Variants in ERBB4 observed in about 807,000 individuals in gnomAD.
ERBB4 encodes erb-b2 receptor tyrosine kinase 4.
ERBB4 carries 42 observed loss-of-function variants against 158.0 expected under a neutral mutation model. That is an observed-to-expected ratio of 0.27 (90% CI 0.21 to 0.34). The LOEUF (loss-of-function observed/expected upper bound fraction) is 0.34. ERBB4 is among the 10% of genes least tolerant of loss of function. The pLI is 1.00. For synonymous variants in ERBB4, 583 were observed against 558.7 expected, an observed-to-expected ratio of 1.04 and a Z score of -0.61; for missense variants, 1,333 against 1,624.1, an observed-to-expected ratio of 0.82 and a Z score of 3.08.
chr2:211,526,479 T>C (rs911143663), intron 20 of ERBB4, among the ~76,000 whole-genome samples: 1 of 152,100 alleles, frequency 6.6e-6, no homozygotes, highest in African/African-American at 2.4e-5. Flanking sequence ...CATGTCCTTG[T>C]GAATACCTGG....
chr2:212,015,098 ATATATATATATAT>A (rs2076494368), intron 2 of ERBB4, among the ~76,000 whole-genome samples: 1 of 74,290 alleles, frequency 1.3e-5, no homozygotes, highest in African/African-American at 6.0e-5. Context: ...ATATATATAT[ATATATATATATAT>A]AAAAATTAGC....
At chr2:212,108,835 T>C (rs984769872) in intron 2 of ERBB4, among the ~76,000 whole-genome samples, 1 of 151,936 alleles carries the variant, frequency 6.6e-6, no homozygotes, top group African/African-American at 2.4e-5. Flanking sequence ...TAAAGTTTTC[T>C]AAACAACTTT....
chr2:211,771,710 G>T (rs1359952311), intron 4 of ERBB4, among the ~76,000 whole-genome samples: 1 of 151,658 alleles, frequency 6.6e-6, no homozygotes, highest in Non-Finnish European at 1.5e-5. Context: ...TTCTTGCGAA[G>T]TGTGTGTGTA....
chr2:211,475,885 G>A (rs1004655880), intron 20 of ERBB4, among the ~76,000 whole-genome samples: 3 of 152,106 alleles, frequency 2.0e-5, no homozygotes, highest in Non-Finnish European at 4.4e-5. Flanking sequence ...GTTGAATACC[G>A]CTTATGTCAG....
chr2:212,099,745 T>TTC (rs2079030881), intron 2 of ERBB4, among the ~76,000 whole-genome samples: 1 of 151,812 alleles, frequency 6.6e-6, no homozygotes, highest in Non-Finnish European at 1.5e-5. Context: ...AGTTTTTTTT[T>TTC]TTTTCTTTTC....
intron 20 of ERBB4, among the ~76,000 whole-genome samples, chr2:211,516,985 A>T (rs1217654446): frequency 6.6e-6 from 1 of 152,144 alleles, no homozygotes; most frequent in Non-Finnish European, 1.5e-5. Context: ...TTTCTCACTG[A>T]GCTTCTAAAG....
intron 2 of ERBB4, among the ~76,000 whole-genome samples, chr2:211,992,175 G>A (rs1218224629): frequency 6.6e-6 from 1 of 151,988 alleles, no homozygotes; most frequent in Non-Finnish European, 1.5e-5. Context: ...ACCAACTAAT[G>A]TCTTTTCATC....
intron 3 of ERBB4, among the ~76,000 whole-genome samples, chr2:211,914,927 C>T (rs1003537401): frequency 5.3e-5 from 8 of 152,068 alleles, no homozygotes; most frequent in Non-Finnish European, 1.2e-4. Context: ...TTAATATGTA[C>T]TTGCTTTCTG....
chr2:211,504,494 T>C (rs976188957), intron 20 of ERBB4, among the ~76,000 whole-genome samples: 2 of 148,828 alleles, frequency 1.3e-5, no homozygotes, highest in Non-Finnish European at 3.0e-5. Flanking sequence ...AAAACTAAGA[T>C]GTAACAGTTT....
At chr2:212,251,170 GAC>G (rs2084518451) in intron 1 of ERBB4, among the ~76,000 whole-genome samples, 2 of 152,022 alleles carry the variant, frequency 1.3e-5, no homozygotes, top group Middle Eastern at 3.4e-3. Flanking sequence ...ATTCCAGTAA[GAC>G]ACAAAATTTC....
intron 19 of ERBB4, among the ~76,000 whole-genome samples, chr2:211,612,555 T>C (rs970523526): frequency 1.3e-5 from 2 of 151,902 alleles, no homozygotes; most frequent in African/African-American, 4.8e-5. Flanking sequence ...GATTGGAAGA[T>C]GAAAACTCCA....
chr2:211,479,336 T>A (rs1315593707), intron 20 of ERBB4, among the ~76,000 whole-genome samples: 3 of 152,198 alleles, frequency 2.0e-5, no homozygotes, highest in Non-Finnish European at 4.4e-5. Flanking sequence ...CCCTGGGTAA[T>A]GCCTCCAGTC....
In ERBB4 at chr2:211,657,809, G is replaced by A. The variant is rs878927700; in HGVS notation, c.1891C>T (p.His631Tyr). Reference protein sequence around the residue: ...CTQGCNGPTSHDCIYYPWTGH... With the variant: ...CTQGCNGPTSYDCIYYPWTGH... ...GTCCATGGGTAGTAAATGCAGTCAT[G>A]ACTAGTGGGACCGTTACACCTGCAG... The change falls in exon 16 of 28, where the codon CAT becomes TAT. Residue 631 changes from histidine (H) to tyrosine (Y), a missense_variant. Physicochemically the swap from His to Tyr is moderately conservative, Grantham distance 83. Around this residue, in one of 5 missense-constraint regions of ERBB4, gnomAD observed 245 missense variants for 247.5 expected, o/e 0.99. Transcript: ENST00000342788. 3.7e-6 allele frequency: 6 copies of A among 1,613,800 alleles called. No homozygotes were observed. The highest frequency in any genetic ancestry group is 4.2e-6 in the Non-Finnish European group (5 of 1,179,828).
intron 2 of ERBB4, among the ~76,000 whole-genome samples, chr2:211,980,360 C>T (rs374777566): frequency 4.6e-5 from 7 of 151,918 alleles, no homozygotes; most frequent in East Asian, 1.9e-4. Flanking sequence ...TTGAGTAGAC[C>T]GAAGAGATGG....
intron 1 of ERBB4, among the ~76,000 whole-genome samples, chr2:212,281,795 A>T (rs2085769070): frequency 6.6e-6 from 1 of 151,814 alleles, no homozygotes; most frequent in Non-Finnish European, 1.5e-5. Context: ...CTGAGCCTAT[A>T]TGTGTGACAT....
At chr2:212,140,523 G>A (rs1328645754) in intron 1 of ERBB4, among the ~76,000 whole-genome samples, 3 of 121,694 alleles carry the variant, frequency 2.5e-5, no homozygotes, top group African/African-American at 1.2e-4. Flanking sequence ...TTTTAAAAAT[G>A]TTTTTTTTTT....
intron 1 of ERBB4, among the ~76,000 whole-genome samples, chr2:212,163,610 T>C (rs1370336261): frequency 1.3e-5 from 2 of 152,070 alleles, no homozygotes; most frequent in African/African-American, 2.4e-5. Context: ...GCTAATATAA[T>C]TTCAGGTGGC....
At chr2:211,663,028 C>A (rs959506349) in intron 15 of ERBB4, among the ~76,000 whole-genome samples, 1 of 152,134 alleles carries the variant, frequency 6.6e-6, no homozygotes, top group Non-Finnish European at 1.5e-5. Context: ...TCCTCACTGC[C>A]CCTGTGGTTT....
chr2:211,684,552 C>A (rs900990423), intron 12 of ERBB4, among the ~76,000 whole-genome samples: 1 of 152,186 alleles, frequency 6.6e-6, no homozygotes, highest in Non-Finnish European at 1.5e-5. Context: ...TTCTATTGGA[C>A]CTGCTTCCTC....
Sources: allele counts gnomAD v4.1 joint callset (sites outside exome capture counted in the v4.1 genomes callset), GRCh38; gene constraint gnomAD v4.1.1; regional missense constraint gnomAD v4.1.1; transcripts MANE v1.5; gene names NCBI Gene and HGNC (gene_info 2026-07-23, HGNC 2026-07-21).